The following CXCR3 variants were observed in gnomAD, a reference collection of about 807,000 sequenced individuals.
CXCR3 encodes C-X-C motif chemokine receptor 3, also known as C-X-C chemokine receptor type 3.
For synonymous variants in CXCR3, 136 were observed against 148.0 expected, an observed-to-expected ratio of 0.92 and a Z score of 0.59; for missense variants, 239 against 310.2, an observed-to-expected ratio of 0.77 and a Z score of 1.72.
Position 71,618,423 on chromosome X carries a change from G to C in CXCR3, c.12+15C>G, listed in dbSNP as rs1356965252. 8.3e-7 allele frequency: 1 copy of C among 1,208,883 alleles called. No homozygotes were observed. Among genetic ancestry groups the C allele is most frequent in the African/African-American group, 1.7e-5 (1 of 57,196 alleles). On this transcript the variant is annotated intron_variant, in intron 1 of 1. Coordinates refer to ENST00000373693, the MANE Select transcript of CXCR3 (RefSeq NM_001504.2). ...TTCGAATTCTGGCCTGGCCTGGCTG[G>C]GCAGCAGCACTTACCTCAAGGACCA...
intron 1 of CXCR3, 47 bp downstream of exon 1, chrX:71,618,391 T>A (rs1411110006): frequency 8.3e-7 from 1 of 1,211,534 alleles, no homozygotes; most frequent in East Asian, 3.0e-5. Context: ...TGCCCCGGGT[T>A]TTCCACTTCG....
Position 71,616,453 on chromosome X carries a change from T to G in CXCR3, c.1019A>C (p.Asn340Thr), listed in dbSNP as rs767076510. ...WMLLLRLGCPNQRGLQRQPSS... is the reference protein window; with the variant it reads ...WMLLLRLGCPTQRGLQRQPSS... The stretch of plus-strand genomic sequence containing the variant: ...TGGCTGCCTCTGGAGCCCTCTCTGG[T>G]TGGGGCAGCCCAGGCGCAAGAGCAG... Residue 340 changes from asparagine to threonine, a missense_variant, in exon 2 of 2, where the codon AAC becomes ACC. Transcript: ENST00000373693. 1 of 1,209,589 alleles carries G rather than the reference T, an allele frequency of 8.3e-7. No homozygotes were observed. Among genetic ancestry groups the G allele is most frequent in the South Asian group, 1.8e-5 (1 of 56,701 alleles).
In CXCR3 at chrX:71,617,409, C is replaced by A; in HGVS notation, c.63G>T (p.Glu21Asp). The stretch of plus-strand genomic sequence containing the variant: ...CATAGTCATAGGAAGAGCTGAAGTT[C>A]TCCAGGAGGGCGGCAACCTCGGCGT... The part of the protein sequence containing the change: ...LNDAEVAALL[E>D]NFSSSYDYGE... The change falls in exon 2 of 2, where the codon GAG becomes GAT. Residue 21 changes from glutamate to aspartate, a missense_variant. By Grantham distance (45) the Glu-to-Asp change is conservative. Transcript: ENST00000373693. 1 of 1,211,767 alleles carries A rather than the reference C, an allele frequency of 8.3e-7. No individual in the cohort carries two copies. Among genetic ancestry groups the A allele is most frequent in the Non-Finnish European group, 1.1e-6 (1 of 895,517 alleles).
At chrX:71,617,686 C>G in intron 1 of CXCR3, 1 of 1,097,376 alleles carries the variant, frequency 9.1e-7, no homozygotes. Flanking sequence ...CTGCGTGATC[C>G]CATCGGCCCA....
chrX:71,617,912 C>A (rs971693683), intron 1 of CXCR3, among the ~76,000 whole-genome samples: 6 of 106,309 alleles, frequency 5.6e-5, no homozygotes, highest in African/African-American at 2.1e-4. Flanking sequence ...TGTCCGGGGA[C>A]CCCAACTTCC....
At chrX:71,618,388 G>A (rs2040871457) in intron 1 of CXCR3, 50 bp downstream of exon 1, 2 of 1,209,866 alleles carry the variant, frequency 1.7e-6, no homozygotes, top group East Asian at 3.0e-5. Context: ...TGATGCCCCG[G>A]GTTTTCCACT....
intron 1 of CXCR3, 186 bp downstream of exon 1, chrX:71,618,252 C>T (rs986582278): frequency 1.5e-5 from 4 of 275,844 alleles, no homozygotes; most frequent in South Asian, 1.9e-4. Flanking sequence ...GGAGAGGCAC[C>T]CAGGGTCAGT....
chrX:71,617,934 C>T (rs190788542), intron 1 of CXCR3, among the ~76,000 whole-genome samples: 1,906 of 98,550 alleles, frequency 0.019, 68 homozygotes, highest in African/African-American at 0.069. Flanking sequence ...GCGCCCCCCC[C>T]CACCGTGTGG....
Position 71,616,699 on chromosome X carries a change from A to G in CXCR3, c.773T>C (p.Val258Ala). The G allele has an allele frequency of 8.3e-7, 1 of 1,209,188 alleles. No homozygotes were observed. Among genetic ancestry groups the G allele is most frequent in the Non-Finnish European group, 1.1e-6 (1 of 894,418 alleles). Residue 258 changes from valine to alanine, a missense_variant, in exon 2 of 2, where the codon GTG becomes GCG. Val to Ala is a moderately conservative substitution (Grantham distance 64). Coordinates refer to ENST00000373693, the MANE Select transcript of CXCR3 (RefSeq NM_001504.2). Reference protein sequence around the residue: ...QRRLRAMRLVVVVVVAFALCW... With the variant: ...QRRLRAMRLVAVVVVAFALCW... ...GAGGGCAAAGGCCACCACGACCACC[A>G]CCACCAGCCGCATGGCCCGCAGGCG...
intron 1 of CXCR3, among the ~76,000 whole-genome samples, chrX:71,618,098 C>T (rs373697928): frequency 9.3e-6 from 1 of 107,335 alleles, no homozygotes; most frequent in African/African-American, 3.4e-5. Flanking sequence ...ACCCCCAGCA[C>T]TATGGACCTG....
chrX:71,617,785 C>G (rs2040864836), intron 1 of CXCR3: 2 of 916,532 alleles, frequency 2.2e-6, no homozygotes, highest in Non-Finnish European at 2.9e-6. Context: ...TCCCTTCAGG[C>G]TTGCCTTGCG....
At position 71,617,214 on chromosome X, in the gene CXCR3, G is replaced by A. The variant is rs1294345452; in HGVS notation, c.258C>T (p.Ser86=). The A allele has an allele frequency of 3.3e-6, 4 of 1,202,534 alleles. No individual in the cohort carries two copies. Among genetic ancestry groups the A allele is most frequent in the Non-Finnish European group, 4.5e-6 (4 of 890,871 alleles). Residue 86 remains serine, a synonymous_variant, in exon 2 of 2, where the codon AGC becomes AGT. Coordinates refer to ENST00000373693, the MANE Select transcript of CXCR3 (RefSeq NM_001504.2). ...AVLLSRRTAL[S]STDTFLLHLA... is the part of the protein sequence containing the mutation. ...GGTGGAGCAGGAAGGTGTCGGTGCT[G>A]CTCAGGGCTGTCCGCCGGCTCAGCA... is the stretch of plus-strand genomic sequence containing the variant.
intron 1 of CXCR3, chrX:71,617,707 G>T (rs1444954382): frequency 1.8e-6 from 2 of 1,086,100 alleles, no homozygotes; most frequent in Non-Finnish European, 2.4e-6. Flanking sequence ...GGGACCCCTG[G>T]GCAGGAAGAA....
intron 1 of CXCR3, 83 bp downstream of exon 1, chrX:71,618,355 G>A: frequency 8.3e-7 from 1 of 1,208,887 alleles, no homozygotes; most frequent in Non-Finnish European, 1.1e-6. Context: ...ACCCTGGGCT[G>A]TGGGCCAGCC....
chrX:71,618,077 T>G (rs751799518), intron 1 of CXCR3, among the ~76,000 whole-genome samples: 2 of 106,339 alleles, frequency 1.9e-5, no homozygotes, highest in East Asian at 6.0e-4. Context: ...AGGAATCTTC[T>G]TTATCCCCTC....
chrX:71,617,933 C>T (rs1462465335), intron 1 of CXCR3, among the ~76,000 whole-genome samples: 2 of 99,168 alleles, frequency 2.0e-5, no homozygotes, highest in Admixed American at 2.1e-4. Flanking sequence ...TGCGCCCCCC[C>T]CCACCGTGTG....
In CXCR3 at chrX:71,616,589, T is replaced by C. The variant is rs1309203424; in HGVS notation, c.883A>G (p.Arg295Gly). The change falls in exon 2 of 2, where the codon AGG (arginine) becomes GGG (glycine). Residue 295 changes from arginine (R) to glycine (G), a missense_variant. Physicochemically the swap from Arg to Gly is moderately radical, Grantham distance 125. Coordinates refer to ENST00000373693, the MANE Select transcript of CXCR3 (RefSeq NM_001504.2). ...GTGACCGACTTGGCCACGTCTACCC[T>C]GCTTTCTCGGCCACAGTTGCGGGCC... ...ALARNCGRES[R>G]VDVAKSVTSG... The C allele has an allele frequency of 8.3e-7, 1 of 1,212,035 alleles. No homozygotes were observed. The highest frequency in any genetic ancestry group is 1.1e-6 in the Non-Finnish European group (1 of 895,581).
In CXCR3 at chrX:71,616,252, A is replaced by G. The variant is rs1602189662; in HGVS notation, c.*113T>C. The G allele has an allele frequency of 5.0e-6, 5 of 1,008,273 alleles. No individual in the cohort carries two copies. In the East Asian group the frequency reaches 1.0e-4, roughly 21 times the overall value. 83.1% of individuals were successfully genotyped at this position (1,008,273 alleles called of 1,213,427 possible). A position where few individuals can be genotyped will look rare whatever the true frequency, so the allele number is the denominator to read the frequency against. ...GAGACCTGGTGGTGCTGGGGCTGCC[A>G]GTGAGTCCCGGGAGCGAGGATATTG... is the stretch of plus-strand genomic sequence containing the variant. On this transcript the variant is annotated 3_prime_UTR_variant, in exon 2 of 2. Transcript: ENST00000373693.
In CXCR3 at chrX:71,618,263, G is replaced by T. The variant is rs3091306; in HGVS notation, c.12+175C>A. ...GAGAGGAGAGGCACCCAGGGTCAGT[G>T]GCCAAGCTGGGTTCCCAATTCCCCA... On this transcript the variant is annotated intron_variant, in intron 1 of 1. Transcript: ENST00000373693. 4.3e-3 allele frequency: 1,603 copies of T among 372,375 alleles called. 29 individuals carry two copies. In the African/African-American group the frequency reaches 0.044, roughly 10 times the overall value. The allele number at this position is 372,375 out of a possible 1,213,427, so 30.7% of individuals were successfully genotyped here. A position where few individuals can be genotyped will look rare whatever the true frequency, so the allele number is the denominator to read the frequency against.
Sources: gnomAD v4.1 joint callset for allele counts (sites outside exome capture counted in the v4.1 genomes callset) on GRCh38, gnomAD v4.1.1 for gene constraint, MANE v1.5 for transcripts, NCBI Gene and HGNC (gene_info 2026-07-23, HGNC 2026-07-21) for gene names.